SLIT3: variants seen among roughly 807,000 people sequenced by gnomAD.
SLIT3 encodes slit guidance ligand 3.
Under a neutral mutation model 184.0 loss-of-function variants are expected in SLIT3, and 68 were observed. The observed-to-expected ratio is 0.37, with a 90% confidence interval of 0.30 to 0.45. The LOEUF is 0.45. SLIT3 is among the 20% of genes least tolerant of loss of function. SLIT3 has a pLI of 1.00. For missense variants in SLIT3, 1,707 were observed against 2,026.0 expected (o/e 0.84, Z 3.02); for synonymous variants, 831 against 828.6 (o/e 1.00, Z -0.05).
intron 4 of SLIT3, among the ~76,000 whole-genome samples, chr5:169,032,079 G>A (rs1407231051): frequency 6.6e-6 from 1 of 152,190 alleles, no homozygotes; most frequent in South Asian, 2.1e-4. Flanking sequence ...AACCCCTCTG[G>A]CCCTCATTTT....
chr5:169,257,528 G>T, intron 1 of SLIT3, among the ~76,000 whole-genome samples: 1 of 134,590 alleles, frequency 7.4e-6, no homozygotes, highest in African/African-American at 2.8e-5. Flanking sequence ...AGCTTTCTAT[G>T]CCTCCTTTTT....
intron 4 of SLIT3, among the ~76,000 whole-genome samples, chr5:169,187,557 TTC>T (rs67553616): frequency 0.56 from 80,272 of 143,932 alleles, 22,229 homozygotes; most frequent in African/African-American, 0.63. Context: ...CTTTCTTTCT[TTC>T]TTTTTTTTTT....
chr5:169,151,506 CT>C (rs2113370037), intron 4 of SLIT3, among the ~76,000 whole-genome samples: 1 of 152,346 alleles, frequency 6.6e-6, no homozygotes, highest in South Asian at 2.1e-4. Context: ...GACAGCCCTC[CT>C]GTAAGGGACC....
intron 4 of SLIT3, among the ~76,000 whole-genome samples, chr5:169,145,009 TA>T (rs1435287365): frequency 6.6e-6 from 1 of 152,194 alleles, no homozygotes; most frequent in Non-Finnish European, 1.5e-5. Flanking sequence ...ACCGCCGTTT[TA>T]AACCAAGGCA....
intron 4 of SLIT3, among the ~76,000 whole-genome samples, chr5:169,109,198 G>A (rs1760323695): frequency 6.6e-6 from 1 of 152,214 alleles, no homozygotes; most frequent in African/African-American, 2.4e-5. Context: ...TAGGTTGCAT[G>A]AGACTCTGTC....
chr5:169,087,125 C>T (rs2113186092), intron 4 of SLIT3, among the ~76,000 whole-genome samples: 1 of 152,280 alleles, frequency 6.6e-6, no homozygotes, highest in Non-Finnish European at 1.5e-5. Flanking sequence ...TTTTGTGTTT[C>T]ACAACAAAGC....
rs537656604 is a variant in SLIT3, at chr5:169,009,807, T to C, written c.414-126471A>G. On this transcript the variant is annotated intron_variant, in intron 4 of 35. Coordinates refer to ENST00000519560, the MANE Select transcript of SLIT3 (RefSeq NM_003062.4). ...GGACTGAGAAAGGAACACTGTAATA[T>C]AGGGTATAATTAAATACATGCTAGA... Among the ~76,000 whole-genome samples, 8 of 152,314 alleles carry C rather than the reference T, an allele frequency of 5.3e-5. No individual in the cohort carries two copies. The East Asian group carries it at 9.6e-4, about 18-fold the overall frequency.
At chr5:168,987,003 A>G (rs969211404) in intron 4 of SLIT3, among the ~76,000 whole-genome samples, 2 of 152,170 alleles carry the variant, frequency 1.3e-5, no homozygotes, top group Admixed American at 6.5e-5. Flanking sequence ...AGCTGAGATC[A>G]TGCCACTGCA....
intron 4 of SLIT3, among the ~76,000 whole-genome samples, chr5:169,172,438 C>G (rs1762846647): frequency 6.6e-6 from 1 of 152,200 alleles, no homozygotes; most frequent in African/African-American, 2.4e-5. Context: ...TGGGAACTAG[C>G]TGCGTATATA....
At chr5:169,138,368 TC>T (rs1320700055) in intron 4 of SLIT3, among the ~76,000 whole-genome samples, 2 of 151,992 alleles carry the variant, frequency 1.3e-5, no homozygotes, top group African/African-American at 2.4e-5. Flanking sequence ...TTCGCATGGG[TC>T]CTCCTGTGGT....
At chr5:168,673,540 T>A (rs292487) in intron 32 of SLIT3, among the ~76,000 whole-genome samples, 46,434 of 152,162 alleles carry the variant, frequency 0.31, 7,431 homozygotes, top group South Asian at 0.44. Flanking sequence ...GTGCTTATGG[T>A]TTTCTCTGTG....
chr5:169,255,389 T>C (rs1433694249), intron 1 of SLIT3, among the ~76,000 whole-genome samples: 3 of 152,082 alleles, frequency 2.0e-5, no homozygotes, highest in African/African-American at 7.2e-5. Flanking sequence ...CAGAAGACAG[T>C]GAGATGGATG....
chr5:169,272,025 A>G lies in SLIT3; in HGVS notation c.198-20566T>C, dbSNP rs1315710769. On this transcript the variant is annotated intron_variant, in intron 1 of 35. Coordinates refer to ENST00000519560, the MANE Select transcript of SLIT3 (RefSeq NM_003062.4). The stretch of plus-strand genomic sequence containing the variant: ...GAAACTGGGCAGGTGCAGGGGCAGA[A>G]GCCCATCAAGCTCTCCATGTCAACA... Among the ~76,000 whole-genome samples the G allele has an allele frequency of 5.9e-5, 9 of 152,358 alleles. No homozygotes were observed. The East Asian group carries it at 7.7e-4, about 13-fold the overall frequency.
intron 12 of SLIT3, among the ~76,000 whole-genome samples, chr5:168,781,837 C>T (rs950523825): frequency 1.3e-5 from 2 of 152,112 alleles, no homozygotes; most frequent in African/African-American, 4.8e-5. Context: ...CATGGACTAC[C>T]CAGGTTCCAA....
At chr5:169,160,403 T>C (rs550677833) in intron 4 of SLIT3, among the ~76,000 whole-genome samples, 12 of 152,280 alleles carry the variant, frequency 7.9e-5, no homozygotes, top group Non-Finnish European at 1.5e-4. Context: ...TGAAATCCAG[T>C]GAAATACCTA....
chr5:168,673,240 T>G lies in SLIT3; in HGVS notation c.3778A>C (p.Lys1260Gln), dbSNP rs1453945046. 4.3e-6 allele frequency: 7 copies of G among 1,614,134 alleles called. No individual in the cohort carries two copies. Among genetic ancestry groups the G allele is most frequent in the Non-Finnish European group, 5.1e-6 (6 of 1,180,014 alleles). ...LNLVVDKGTP[K>Q]SLGKLQKQPA... The stretch of plus-strand genomic sequence containing the variant: ...TGCTTCTGGAGCTTCCCCAGGCTCT[T>G]TGGAGTTCCTTTGTCCACTACTAGG... The change falls in exon 33 of 36, where the codon AAG becomes CAG. Residue 1260 changes from lysine to glutamine, a missense_variant. Physicochemically the swap from Lys to Gln is moderately conservative, Grantham distance 53. Coordinates refer to ENST00000519560, the MANE Select transcript of SLIT3 (RefSeq NM_003062.4).
At chr5:168,760,374 G>A (rs193291917) in intron 16 of SLIT3, among the ~76,000 whole-genome samples, 37 of 152,296 alleles carry the variant, frequency 2.4e-4, no homozygotes, top group African/African-American at 8.4e-4. Context: ...TCAGACCCAC[G>A]GACTCCTGGA....
chr5:169,275,790 G>A (rs1766782297), intron 1 of SLIT3, among the ~76,000 whole-genome samples: 1 of 152,116 alleles, frequency 6.6e-6, no homozygotes, highest in South Asian at 2.1e-4. Context: ...GGGAATTCTG[G>A]GAGATACAAT....
chr5:168,856,388 A>G (rs4588606), intron 5 of SLIT3, among the ~76,000 whole-genome samples: 1 of 152,198 alleles, frequency 6.6e-6, no homozygotes, highest in Non-Finnish European at 1.5e-5. Flanking sequence ...ACCTGATTCT[A>G]TCTGGGTGTG....
Sources: gnomAD v4.1 joint callset for allele counts (sites outside exome capture counted in the v4.1 genomes callset) on GRCh38, gnomAD v4.1.1 for gene constraint, MANE v1.5 for transcripts, NCBI Gene and HGNC (gene_info 2026-07-23, HGNC 2026-07-21) for gene names.